The following MAP3K2 variants were observed in gnomAD, a reference collection of about 807,000 sequenced individuals.
MAP3K2 encodes MAP/ERK kinase kinase 2.
In MAP3K2, 24 loss-of-function variants were observed where a neutral mutation model predicts 80.3. The ratio of observed to expected loss-of-function variants is 0.30; its 90% CI spans 0.22 to 0.42. The LOEUF is 0.42. MAP3K2 is among the 10% of genes least tolerant of loss of function. The probability of loss-of-function intolerance (pLI) is 1.00; values close to 1 mark genes in which losing one functional copy is unlikely to be tolerated. For synonymous variants in MAP3K2, 244 were observed against 253.7 expected, an observed-to-expected ratio of 0.96 and a Z score of 0.36; for missense variants, 608 against 750.1, an observed-to-expected ratio of 0.81 and a Z score of 2.21.
At chr2:127,332,729 G>A (rs1686283618) in intron 5 of MAP3K2, among the ~76,000 whole-genome samples, 1 of 152,176 alleles carries the variant, frequency 6.6e-6, no homozygotes, top group Non-Finnish European at 1.5e-5. Flanking sequence ...ATGCTTTCTA[G>A]AAAGGAAACT....
At chr2:127,353,881 C>A (rs1160501081) in intron 1 of MAP3K2, among the ~76,000 whole-genome samples, 1 of 151,782 alleles carries the variant, frequency 6.6e-6, no homozygotes, top group East Asian at 1.9e-4. Context: ...GGAGACTTTT[C>A]ATTTTGTTCT....
intron 12 of MAP3K2, among the ~76,000 whole-genome samples, chr2:127,318,960 T>C (rs971521969): frequency 7.9e-5 from 12 of 152,058 alleles, no homozygotes; most frequent in Admixed American, 5.2e-4. Flanking sequence ...TATTGAACCC[T>C]TGGGAGATCT....
At chr2:127,363,335 C>T (rs1040771977) in intron 1 of MAP3K2, among the ~76,000 whole-genome samples, 1 of 152,104 alleles carries the variant, frequency 6.6e-6, no homozygotes, top group Non-Finnish European at 1.5e-5. Context: ...TGATAAAATG[C>T]TAACATCCTC....
At chr2:127,311,222 T>C (rs1392151079) in intron 15 of MAP3K2, among the ~76,000 whole-genome samples, 1 of 152,216 alleles carries the variant, frequency 6.6e-6, no homozygotes, top group African/African-American at 2.4e-5. Flanking sequence ...TTAGTGATCT[T>C]CTGAAAGAGC....
rs1050973278 is a variant in MAP3K2, at chr2:127,345,347, T to C, written c.-65-2153A>G. Among the ~76,000 whole-genome samples, 32 of 152,208 alleles carry C rather than the reference T, an allele frequency of 2.1e-4. 1 individual carries two copies. The highest frequency in any genetic ancestry group is 7.7e-4 in the African/African-American group (32 of 41,448). ...AAGATATAGCAATTATAAACTTATA[T>C]GTACCTAACAACAGAATCGCAAAAT... On this transcript the variant is annotated intron_variant, in intron 1 of 16. Transcript: ENST00000682094.
At chr2:127,370,858 C>T (rs377135786) in intron 1 of MAP3K2, among the ~76,000 whole-genome samples, 3 of 152,184 alleles carry the variant, frequency 2.0e-5, no homozygotes, top group African/African-American at 7.2e-5. Context: ...TATCCCTCAG[C>T]CCCGCTATCA....
intron 5 of MAP3K2, 149 bp downstream of exon 5, chr2:127,335,721 A>C: frequency 2.1e-6 from 1 of 486,530 alleles, no homozygotes; most frequent in Non-Finnish European, 3.7e-6. Flanking sequence ...AATCCATTTT[A>C]GTCAGTTAAA....
In MAP3K2 at chr2:127,377,142, T is replaced by A. The variant is rs1574008977; in HGVS notation, c.-66+10310A>T. 2.0e-5 allele frequency among the ~76,000 whole-genome samples: 3 copies of A among 152,126 alleles called. No homozygotes were observed. In the East Asian group the frequency reaches 5.8e-4, roughly 29 times the overall value. On this transcript the variant is annotated intron_variant, in intron 1 of 16. Transcript: ENST00000682094. The stretch of plus-strand genomic sequence containing the variant: ...GAAATTAAAATAAATACTTTAACTA[T>A]GGACATTAAACTCTCCCATATTACT...
intron 1 of MAP3K2, among the ~76,000 whole-genome samples, chr2:127,347,472 T>A (rs895599925): frequency 6.6e-6 from 1 of 151,926 alleles, no homozygotes; most frequent in Non-Finnish European, 1.5e-5. Context: ...AATTAAGAAA[T>A]CAATTTCATT....
intron 7 of MAP3K2, among the ~76,000 whole-genome samples, chr2:127,328,195 A>C (rs1371541437): frequency 6.6e-6 from 1 of 152,212 alleles, no homozygotes; most frequent in African/African-American, 2.4e-5. Flanking sequence ...GAATCACTTG[A>C]ACCCAGGAGG....
chr2:127,320,811 G>C (rs1686005049), intron 12 of MAP3K2, among the ~76,000 whole-genome samples: 1 of 152,066 alleles, frequency 6.6e-6, no homozygotes, highest in East Asian at 1.9e-4. Context: ...GAAGACAATG[G>C]GACAATAGCT....
chr2:127,356,935 G>C (rs530861882), intron 1 of MAP3K2, among the ~76,000 whole-genome samples: 22 of 152,156 alleles, frequency 1.4e-4, no homozygotes, highest in Non-Finnish European at 2.9e-4. Context: ...AGAGTAAACA[G>C]ACAACCTACA....
intron 5 of MAP3K2, among the ~76,000 whole-genome samples, chr2:127,333,881 C>G (rs1019223259): frequency 4.6e-5 from 7 of 151,974 alleles, no homozygotes; most frequent in African/African-American, 1.7e-4. Context: ...GGTGGATCAT[C>G]TGAGCTCAGG....
intron 1 of MAP3K2, among the ~76,000 whole-genome samples, chr2:127,356,877 CG>C (rs947234154): frequency 6.6e-6 from 1 of 152,032 alleles, no homozygotes; most frequent in Non-Finnish European, 1.5e-5. Context: ...AATAGACAGA[CG>C]GGACTTAGTT....
Position 127,324,234 on chromosome 2 carries a change from A to C in MAP3K2, c.685T>G (p.Tyr229Asp). ...SLDSPLDGES[Y>D]PKSRMPRAQS... ...GCCCTAGGCATTCGTGATTTTGGAT[A>C]GCTCTCTCTATAAAGAAAAAACATC... The change falls in exon 10 of 17, where the codon TAT becomes GAT. Residue 229 changes from tyrosine to aspartate, a missense_variant. Around this residue, in one of 4 missense-constraint regions of MAP3K2, gnomAD observed 467 missense variants for 521.9 expected, o/e 0.89. Transcript: ENST00000682094. 6.5e-7 allele frequency: 1 copy of C among 1,547,306 alleles called. No homozygotes were observed. Among genetic ancestry groups the C allele is most frequent in the South Asian group, 1.2e-5 (1 of 81,368 alleles).
chr2:127,388,368 G>T (rs568511731), upstream of MAP3K2: 698 of 985,476 alleles, frequency 7.1e-4, no homozygotes, highest in Non-Finnish European at 8.2e-4. Flanking sequence ...CAGAGGCAGT[G>T]ACGGACTGTG....
chr2:127,382,401 G>T (rs1188060277), intron 1 of MAP3K2, among the ~76,000 whole-genome samples: 2 of 152,098 alleles, frequency 1.3e-5, no homozygotes, highest in Admixed American at 6.5e-5. Context: ...TTTAAAAAAA[G>T]ATATCTGGAA....
At chr2:127,360,753 C>T (rs560774921) in intron 1 of MAP3K2, among the ~76,000 whole-genome samples, 3 of 152,074 alleles carry the variant, frequency 2.0e-5, no homozygotes, top group Non-Finnish European at 4.4e-5. Flanking sequence ...CTGGTGATTC[C>T]TTTGTTTGCC....
intron 1 of MAP3K2, among the ~76,000 whole-genome samples, chr2:127,344,716 T>C (rs1203610512): frequency 6.6e-6 from 1 of 152,154 alleles, no homozygotes; most frequent in Non-Finnish European, 1.5e-5. Flanking sequence ...ATAAGATGTA[T>C]ATGAAACATA....
Sources: allele counts gnomAD v4.1 joint callset (sites outside exome capture counted in the v4.1 genomes callset), GRCh38; gene constraint gnomAD v4.1.1; regional missense constraint gnomAD v4.1.1; transcripts MANE v1.5; gene names NCBI Gene and HGNC (gene_info 2026-07-23, HGNC 2026-07-21).